The following GABRB1 variants were observed in gnomAD, a reference collection of about 807,000 sequenced individuals.
GABRB1 encodes the protein gamma-aminobutyric acid receptor subunit beta-1.
GABRB1 carries 17 observed loss-of-function variants against 51.6 expected under a neutral mutation model. The observed-to-expected ratio is 0.33, with a 90% CI of 0.23 to 0.49. The LOEUF is 0.49. GABRB1 is among the 20% of genes least tolerant of loss of function. GABRB1 has a pLI of 0.99. For synonymous variants in GABRB1, 247 were observed against 218.9 expected (o/e 1.13, Z -1.14); for missense variants, 410 against 600.6 (o/e 0.68, Z 3.32).
At chr4:47,315,822 C>G (rs1048245072) in intron 4 of GABRB1, among the ~76,000 whole-genome samples, 1 of 151,534 alleles carries the variant, frequency 6.6e-6, no homozygotes, top group African/African-American at 2.4e-5. Flanking sequence ...TAAGTGGGAG[C>G]TAAACATTAA....
intron 5 of GABRB1, among the ~76,000 whole-genome samples, chr4:47,339,197 G>A (rs1725799079): frequency 6.6e-6 from 1 of 152,236 alleles, no homozygotes; most frequent in African/African-American, 2.4e-5. Context: ...CCAGGTGGAA[G>A]AATTGAGAGG....
rs1406970876 is a variant in GABRB1 at position 47,406,683 on chromosome 4, A to G, written c.837A>G (p.Gly279=). ...AAGTGTTGTCTTTCTCTTTCACAGGAATCACGACAGTGCTTACAATGACAA... is the reference window on the plus strand; with the variant it reads ...AAGTGTTGTCTTTCTCTTTCACAGGGATCACGACAGTGCTTACAATGACAA... ...YDASAARVAL[G]ITTVLTMTTI... The change falls in exon 8 of 9, where the codon GGA becomes GGG. Residue 279 remains glycine, a splice_region_variant and synonymous_variant. Coordinates refer to ENST00000295454, the MANE Select transcript of GABRB1 (RefSeq NM_000812.4). 15 of 1,614,156 alleles carry G rather than the reference A, an allele frequency of 9.3e-6. No individual in the cohort carries two copies. The Middle Eastern group carries it at 8.2e-4, about 89-fold the overall frequency.
At chr4:47,421,446 T>A (rs577997170) in intron 8 of GABRB1, among the ~76,000 whole-genome samples, 1 of 152,046 alleles carries the variant, frequency 6.6e-6, no homozygotes, top group African/African-American at 2.4e-5. Flanking sequence ...ATCAGGTGAT[T>A]CCATTTTACA....
At chr4:47,091,869 C>G (rs181706957) in intron 3 of GABRB1, among the ~76,000 whole-genome samples, 2 of 152,176 alleles carry the variant, frequency 1.3e-5, no homozygotes, top group Non-Finnish European at 2.9e-5. Context: ...AGCTACCTCC[C>G]GCTGTTAGTG....
intron 4 of GABRB1, among the ~76,000 whole-genome samples, chr4:47,280,249 C>T (rs1456990390): frequency 2.6e-5 from 4 of 151,812 alleles, no homozygotes; most frequent in African/African-American, 9.7e-5. Context: ...AACAGCTTAA[C>T]TTTGGTCACT....
At chr4:47,356,115 G>A (rs1253460895) in intron 5 of GABRB1, among the ~76,000 whole-genome samples, 2 of 152,160 alleles carry the variant, frequency 1.3e-5, no homozygotes, top group African/African-American at 2.4e-5. Context: ...TTGGATGGAT[G>A]AATGAACAAA....
chr4:47,311,487 C>T (rs1194592205), intron 4 of GABRB1, among the ~76,000 whole-genome samples: 1 of 82,186 alleles, frequency 1.2e-5, no homozygotes, highest in Non-Finnish European at 2.3e-5. Flanking sequence ...CACAAGGGTT[C>T]TTATGAAAGG....
intron 3 of GABRB1, among the ~76,000 whole-genome samples, chr4:47,103,831 C>T (rs10011608): frequency 0.067 from 10,104 of 151,838 alleles, 868 homozygotes; most frequent in African/African-American, 0.2. Context: ...AGTGGTCATC[C>T]TCCTCCAAAG....
chr4:47,301,504 C>T (rs903056713), intron 4 of GABRB1, among the ~76,000 whole-genome samples: 1 of 151,630 alleles, frequency 6.6e-6, no homozygotes, highest in African/African-American at 2.4e-5. Flanking sequence ...CATGGTGGTG[C>T]GTGCCTGTAG....
chr4:47,055,833 G>A (rs551215781), intron 3 of GABRB1, among the ~76,000 whole-genome samples: 205 of 152,262 alleles, frequency 1.3e-3, no homozygotes, highest in Admixed American at 4.4e-3. Flanking sequence ...TTAAAAGCCT[G>A]CTTTCAAGAC....
At chr4:47,139,549 A>G (rs1716824259) in intron 3 of GABRB1, among the ~76,000 whole-genome samples, 2 of 151,918 alleles carry the variant, frequency 1.3e-5, no homozygotes, top group Admixed American at 6.6e-5. Context: ...CAAAATGCAG[A>G]CTCCATGGTG....
chr4:47,160,380 A>C (rs1370234243), intron 3 of GABRB1, among the ~76,000 whole-genome samples: 1 of 152,182 alleles, frequency 6.6e-6, no homozygotes, highest in East Asian at 1.9e-4. Flanking sequence ...GTGCCTCATA[A>C]CTACTTTTCA....
At chr4:47,425,103 G>A (rs1729224416) in intron 8 of GABRB1, among the ~76,000 whole-genome samples, 1 of 152,082 alleles carries the variant, frequency 6.6e-6, no homozygotes, top group South Asian at 2.1e-4. Flanking sequence ...ATTCAATTAT[G>A]TTTTATTCAT....
intron 3 of GABRB1, among the ~76,000 whole-genome samples, chr4:47,079,963 C>T (rs545802599): frequency 2.6e-5 from 4 of 151,656 alleles, no homozygotes; most frequent in East Asian, 1.9e-4. Flanking sequence ...TTAACCTGCA[C>T]GTTGTGCACA....
chr4:47,338,198 G>A (rs1385318258), intron 5 of GABRB1, among the ~76,000 whole-genome samples: 1 of 152,080 alleles, frequency 6.6e-6, no homozygotes, highest in African/African-American at 2.4e-5. Context: ...CCTTTGCTCT[G>A]GAGCTGACTG....
chr4:47,062,704 T>G (rs1370572215), intron 3 of GABRB1, among the ~76,000 whole-genome samples: 14 of 152,172 alleles, frequency 9.2e-5, no homozygotes, highest in Non-Finnish European at 1.2e-4. Context: ...GTCAGGAAAT[T>G]TGGTGCTCTT....
chr4:47,273,864 T>TACACACATACACAC (rs1436701483), intron 4 of GABRB1, among the ~76,000 whole-genome samples: 334 of 122,410 alleles, frequency 2.7e-3, no homozygotes, highest in African/African-American at 8.5e-3. Context: ...CATATATACA[T>TACACACATACACAC]ACACACACAC....
At chr4:47,298,929 A>G (rs928016769) in intron 4 of GABRB1, among the ~76,000 whole-genome samples, 1 of 151,736 alleles carries the variant, frequency 6.6e-6, no homozygotes, top group Non-Finnish European at 1.5e-5. Flanking sequence ...CTCAGAAATA[A>G]CGCCGCATAT....
chr4:47,233,383 G>T (rs899728960), intron 4 of GABRB1, among the ~76,000 whole-genome samples: 1 of 152,060 alleles, frequency 6.6e-6, no homozygotes, highest in Non-Finnish European at 1.5e-5. Flanking sequence ...ATATAAAGAG[G>T]TTAATGAGGG....
Sources: allele counts gnomAD v4.1 joint callset (sites outside exome capture counted in the v4.1 genomes callset), GRCh38; gene constraint gnomAD v4.1.1; transcripts MANE v1.5; gene names NCBI Gene and HGNC (gene_info 2026-07-23, HGNC 2026-07-21).